The following PHYHIPL variants were observed in gnomAD, a reference collection of about 807,000 sequenced individuals.
PHYHIPL encodes phytanoyl-CoA hydroxylase-interacting protein-like.
In PHYHIPL, 9 loss-of-function variants were observed where a neutral mutation model predicts 33.4. That is an observed-to-expected ratio of 0.27 (90% CI 0.16 to 0.47). The LOEUF is 0.47. Ranked by LOEUF, PHYHIPL falls within the 20% of genes least tolerant of loss-of-function variation. The probability of loss-of-function intolerance (pLI) is 0.99; values close to 1 mark genes in which losing one functional copy is unlikely to be tolerated. For synonymous variants in PHYHIPL, 153 were observed against 154.1 expected, an observed-to-expected ratio of 0.99 and a Z score of 0.05; for missense variants, 365 against 460.7, an observed-to-expected ratio of 0.79 and a Z score of 1.90.
At chr10:59,183,215 T>G (rs1838461974) in intron 1 of PHYHIPL, among the ~76,000 whole-genome samples, 1 of 152,098 alleles carries the variant, frequency 6.6e-6, no homozygotes, top group East Asian at 1.9e-4. Context: ...CAGTACAATA[T>G]AAAACTAACC....
intron 1 of PHYHIPL, among the ~76,000 whole-genome samples, chr10:59,186,418 C>CT (rs1180142772): frequency 1.3e-5 from 2 of 152,098 alleles, no homozygotes; most frequent in Non-Finnish European, 2.9e-5. Context: ...CAGCTTTGTT[C>CT]TTTTTGCTTA....
At chr10:59,177,119 C>T in intron 1 of PHYHIPL, 160 bp downstream of exon 1, 1 of 643,586 alleles carries the variant, frequency 1.6e-6, no homozygotes, top group South Asian at 2.0e-5. Context: ...CCACCGCCCT[C>T]CCCTCACCCC....
intron 1 of PHYHIPL, among the ~76,000 whole-genome samples, chr10:59,223,806 C>T: frequency 6.6e-6 from 1 of 151,868 alleles, no homozygotes; most frequent in East Asian, 1.9e-4. Context: ...ACTAGGGGTG[C>T]ATGCCACCAC....
Position 59,196,335 on chromosome 10 carries a change from A to G in PHYHIPL, c.106+19376A>G, listed in dbSNP as rs182286018. Among the ~76,000 whole-genome samples, 354 of 150,916 alleles carry G rather than the reference A, an allele frequency of 2.3e-3. 2 individuals are homozygous for G. Among genetic ancestry groups the G allele is most frequent in the African/African-American group, 8.0e-3 (332 of 41,280 alleles). ...TTTAAATTGCTATTTTGCCCAGTCT[A>G]TAATGTACATAATATATTAGTATAT... On this transcript the variant is annotated intron_variant, in intron 1 of 4. Coordinates refer to ENST00000373880, the MANE Select transcript of PHYHIPL (RefSeq NM_032439.4).
At chr10:59,223,922 AG>A (rs1430613808) in intron 1 of PHYHIPL, among the ~76,000 whole-genome samples, 1 of 152,128 alleles carries the variant, frequency 6.6e-6, no homozygotes, top group Non-Finnish European at 1.5e-5. Context: ...AGCCTCCCAA[AG>A]TGTTGGGATT....
chr10:59,186,079 T>C (rs1317667475), intron 1 of PHYHIPL, among the ~76,000 whole-genome samples: 2 of 152,222 alleles, frequency 1.3e-5, no homozygotes, highest in Non-Finnish European at 1.5e-5. Flanking sequence ...GGTTTTCTTC[T>C]AGGGTTTTTA....
At chr10:59,212,660 C>T (rs960505331) in intron 1 of PHYHIPL, among the ~76,000 whole-genome samples, 3 of 152,226 alleles carry the variant, frequency 2.0e-5, no homozygotes, top group African/African-American at 7.2e-5. Flanking sequence ...CAGCGCTGCT[C>T]TGAACCTATT....
chr10:59,222,744 A>G lies in PHYHIPL; in HGVS notation c.107-11560A>G, dbSNP rs568814012. ...GGGGGGTTTCAAAAGAAAAAAATTCATTAAAGATTACTAGAGGCACTGATG... is the reference window on the plus strand; with the variant it reads ...GGGGGGTTTCAAAAGAAAAAAATTCGTTAAAGATTACTAGAGGCACTGATG... On this transcript the variant is annotated intron_variant, in intron 1 of 4. Coordinates refer to ENST00000373880, the MANE Select transcript of PHYHIPL (RefSeq NM_032439.4). 2.6e-5 allele frequency among the ~76,000 whole-genome samples: 4 copies of G among 151,890 alleles called. No individual in the cohort carries two copies. The South Asian group carries it at 8.3e-4, about 32-fold the overall frequency.
At chr10:59,237,651 A>G (rs1840265117) in intron 3 of PHYHIPL, among the ~76,000 whole-genome samples, 1 of 152,034 alleles carries the variant, frequency 6.6e-6, no homozygotes, top group Middle Eastern at 3.4e-3. Flanking sequence ...AATTAAGCCC[A>G]TACTGTGAGC....
Position 59,247,702 on chromosome 10 carries a change from T to A in PHYHIPL, c.*2111T>A. 1 of 1,613,282 alleles carries A rather than the reference T, an allele frequency of 6.2e-7. No homozygotes were observed. Among genetic ancestry groups the A allele is most frequent in the Non-Finnish European group, 8.5e-7 (1 of 1,179,542 alleles). On this transcript the variant is annotated 3_prime_UTR_variant, in exon 5 of 5. Transcript: ENST00000373880. ...TATGTGCTTATATTCATAATACTCA[T>A]CTGCCATTGGTATCCTATCTTCCTT...
At chr10:59,228,109 T>C (rs1281296954) in intron 1 of PHYHIPL, among the ~76,000 whole-genome samples, 1 of 152,002 alleles carries the variant, frequency 6.6e-6, no homozygotes, top group African/African-American at 2.4e-5. Flanking sequence ...TTGGGATTTC[T>C]TCAAAGATAA....
intron 1 of PHYHIPL, among the ~76,000 whole-genome samples, chr10:59,210,432 G>T (rs1839410113): frequency 6.6e-6 from 1 of 152,212 alleles, no homozygotes; most frequent in Non-Finnish European, 1.5e-5. Context: ...AACATCAGAT[G>T]CTGGAGAGGA....
At chr10:59,242,042 C>T (rs1054876645) in intron 4 of PHYHIPL, among the ~76,000 whole-genome samples, 16 of 152,276 alleles carry the variant, frequency 1.1e-4, no homozygotes, top group African/African-American at 3.8e-4. Context: ...CCCTCATGTA[C>T]CAGCCAAGGC....
rs773688586 is a variant in PHYHIPL, at chr10:59,245,085, T to C, written c.625T>C (p.Ser209Pro). ...ACATCATGGGAATGCTATGCAGCCA[T>C]CTGTCAAGGATAACAGTGGTAGCCA... ...REHHGNAMQP[S>P]VKDNSGSHGS... The change falls in exon 5 of 5, where the codon TCT becomes CCT. Residue 209 changes from serine to proline, a missense_variant. Ser to Pro is a moderately conservative substitution (Grantham distance 74). Coordinates refer to ENST00000373880, the MANE Select transcript of PHYHIPL (RefSeq NM_032439.4). 9.3e-6 allele frequency: 15 copies of C among 1,612,468 alleles called. No individual in the cohort carries two copies. The highest frequency in any genetic ancestry group is 1.3e-5 in the African/African-American group (1 of 74,854).
At chr10:59,202,443 C>G (rs1242351053) in intron 1 of PHYHIPL, among the ~76,000 whole-genome samples, 1 of 152,184 alleles carries the variant, frequency 6.6e-6, no homozygotes, top group Non-Finnish European at 1.5e-5. Context: ...ATTGTCTTCA[C>G]ATGAATGGTT....
chr10:59,216,412 T>C (rs1257662882), intron 1 of PHYHIPL, among the ~76,000 whole-genome samples: 1 of 152,088 alleles, frequency 6.6e-6, no homozygotes, highest in East Asian at 1.9e-4. Context: ...GATAAGAACA[T>C]TCCTTTCTTT....
In PHYHIPL at chr10:59,245,514, C is replaced by A. The variant is rs768351590; in HGVS notation, c.1054C>A (p.Gln352Lys). ...VGTVAEITGHQLMSLSTANAK... is the reference protein window; with the variant it reads ...VGTVAEITGHKLMSLSTANAK... ...CACCGTGGCAGAAATCACTGGTCAT[C>A]AGCTCATGAGTTTGTCTACTGCAAA... Residue 352 changes from glutamine (Q) to lysine (K), a missense_variant, in exon 5 of 5, where the codon CAG becomes AAG. This residue lies in a region of PHYHIPL where 17 missense variants were observed against 38.2 expected (regional missense o/e 0.45). Transcript: ENST00000373880. 6.2e-7 allele frequency: 1 copy of A among 1,614,116 alleles called. No individual in the cohort carries two copies. Among genetic ancestry groups the A allele is most frequent in the Non-Finnish European group, 8.5e-7 (1 of 1,180,008 alleles).
intron 1 of PHYHIPL, among the ~76,000 whole-genome samples, chr10:59,194,496 A>G (rs1015043204): frequency 6.6e-6 from 1 of 152,156 alleles, no homozygotes; most frequent in Non-Finnish European, 1.5e-5. Context: ...TATTTAGTGC[A>G]GATAATGTGT....
At chr10:59,186,793 T>C (rs954388520) in intron 1 of PHYHIPL, among the ~76,000 whole-genome samples, 17 of 152,214 alleles carry the variant, frequency 1.1e-4, no homozygotes, top group Non-Finnish European at 1.8e-4. Flanking sequence ...AGAATGCTTG[T>C]GATTTTTGTA....
Sources: gnomAD v4.1 joint callset for allele counts (sites outside exome capture counted in the v4.1 genomes callset) on GRCh38, gnomAD v4.1.1 for gene constraint, gnomAD v4.1.1 regional missense constraint, MANE v1.5 for transcripts, NCBI Gene and HGNC (gene_info 2026-07-23, HGNC 2026-07-21) for gene names.